HUNK: variants seen among roughly 807,000 people sequenced by gnomAD.
HUNK encodes hormonally up-regulated Neu-associated kinase.
HUNK carries 21 observed loss-of-function variants against 61.0 expected under a neutral mutation model. That is an observed-to-expected ratio of 0.34 (90% CI 0.24 to 0.50). The LOEUF (loss-of-function observed/expected upper bound fraction) is 0.50, where lower values mean the gene tolerates loss of function less well. HUNK is among the 20% of genes least tolerant of loss of function. The pLI is 0.98. For synonymous variants in HUNK, 371 were observed against 386.1 expected, an observed-to-expected ratio of 0.96 and a Z score of 0.46; for missense variants, 772 against 945.7, an observed-to-expected ratio of 0.82 and a Z score of 2.41.
intron 10 of HUNK, 97 bp downstream of exon 10, chr21:31,996,045 G>C (rs748626318): frequency 7.8e-6 from 7 of 892,668 alleles, no homozygotes; most frequent in Non-Finnish European, 1.2e-5. Context: ...CCCTAGAGCA[G>C]AGATGATTCC....
intron 1 of HUNK, among the ~76,000 whole-genome samples, chr21:31,886,572 C>A (rs1294579337): frequency 6.6e-6 from 1 of 152,130 alleles, no homozygotes. Context: ...TGTTTGTCTC[C>A]CCACTAGAGT....
At chr21:31,998,384 T>TC in intron 10 of HUNK, 142 bp from the exon 11 acceptor site, 1 of 756,454 alleles carries the variant, frequency 1.3e-6, no homozygotes. Context: ...TTTTGCAAAG[T>TC]AGCCAAGGCT....
chr21:31,901,568 A>G (rs1048233693), intron 1 of HUNK, among the ~76,000 whole-genome samples: 1 of 152,110 alleles, frequency 6.6e-6, no homozygotes, highest in African/African-American at 2.4e-5. Flanking sequence ...TGAAGTCTCA[A>G]AGTTAAGGAC....
At chr21:31,950,341 A>C (rs113386472) in intron 4 of HUNK, among the ~76,000 whole-genome samples, 1 of 151,694 alleles carries the variant, frequency 6.6e-6, no homozygotes, top group African/African-American at 2.4e-5. Context: ...GAGAAAAAAA[A>C]CCAGATTCTT....
chr21:31,873,727 G>A lies in HUNK; in HGVS notation c.53G>A (p.Gly18Asp). The change falls in exon 1 of 11, where the codon GGC becomes GAC. Residue 18 changes from glycine (G) to aspartate (D), a missense_variant. Transcript: ENST00000270112. This position sits in a 1 kb window ranked among gnomAD's most constrained non-coding sequence, Gnocchi z 6.1. ...CTGGGGGAGCCGGCGGCGCCTGGGG[G>A]CGGCGGCGGCGCGGAGGACGCGGCC... The part of the protein sequence containing the change: ...GLLGEPAAPG[G>D]GGGAEDAARP... 8.2e-7 allele frequency: 1 copy of A among 1,224,394 alleles called. No homozygotes were observed. The allele number at this position is 1,224,394 out of a possible 1,614,324, so 75.8% of individuals were successfully genotyped here. A position where few individuals can be genotyped will look rare whatever the true frequency, so the allele number is the denominator to read the frequency against.
At chr21:31,920,093 A>G (rs1215304026) in intron 1 of HUNK, among the ~76,000 whole-genome samples, 2 of 152,184 alleles carry the variant, frequency 1.3e-5, no homozygotes, top group African/African-American at 2.4e-5. Flanking sequence ...TCTGGCTTCC[A>G]GTGGCAGCCA....
At chr21:31,926,170 G>A (rs868619673) in intron 2 of HUNK, among the ~76,000 whole-genome samples, 34 of 152,092 alleles carry the variant, frequency 2.2e-4, no homozygotes, top group African/African-American at 7.0e-4. Context: ...CGCCCTCCTC[G>A]GCCTCCCGAA....
intron 7 of HUNK, among the ~76,000 whole-genome samples, chr21:31,978,483 T>C (rs189466468): frequency 6.6e-6 from 1 of 152,272 alleles, no homozygotes; most frequent in Non-Finnish European, 1.5e-5. Context: ...TCTGCCCACT[T>C]TCCCTCATCC....
At chr21:31,981,174 G>T (rs902797251) in intron 7 of HUNK, among the ~76,000 whole-genome samples, 6 of 152,194 alleles carry the variant, frequency 3.9e-5, no homozygotes, top group African/African-American at 1.4e-4. Flanking sequence ...TAAGTGCATG[G>T]ATTCATTTTT....
intron 1 of HUNK, among the ~76,000 whole-genome samples, chr21:31,882,035 A>G (rs2052312049): frequency 6.6e-6 from 1 of 152,180 alleles, no homozygotes; most frequent in Non-Finnish European, 1.5e-5. Context: ...TGCCTACTTC[A>G]GAGACGGTGG....
chr21:31,957,646 T>C (rs768654404), intron 4 of HUNK, among the ~76,000 whole-genome samples: 2 of 152,192 alleles, frequency 1.3e-5, no homozygotes, highest in Non-Finnish European at 2.9e-5. Flanking sequence ...TCAGGAAATC[T>C]CATCAAAATG....
chr21:31,950,497 G>A (rs1317949610), intron 4 of HUNK, among the ~76,000 whole-genome samples: 1 of 152,160 alleles, frequency 6.6e-6, no homozygotes, highest in East Asian at 1.9e-4. Flanking sequence ...AGAGGGAACA[G>A]CATATGCAAA....
intron 4 of HUNK, among the ~76,000 whole-genome samples, chr21:31,950,164 G>A (rs2052839647): frequency 6.6e-6 from 1 of 152,170 alleles, no homozygotes; most frequent in Admixed American, 6.5e-5. Context: ...GCTATAAACT[G>A]AGTGTGGTAA....
At chr21:31,910,905 C>T (rs1710373671) in intron 1 of HUNK, among the ~76,000 whole-genome samples, 1 of 152,230 alleles carries the variant, frequency 6.6e-6, no homozygotes, top group Admixed American at 6.5e-5. Flanking sequence ...AATGCCTACA[C>T]ATCACTTCAT....
chr21:31,951,057 G>A (rs1293453767), intron 4 of HUNK, among the ~76,000 whole-genome samples: 3 of 152,094 alleles, frequency 2.0e-5, no homozygotes, highest in Admixed American at 1.3e-4. Flanking sequence ...ATGGAAATGG[G>A]AAATGGCGCG....
In HUNK at chr21:31,932,072, C is replaced by T. The variant is rs543817951; in HGVS notation, c.554+7312C>T. On this transcript the variant is annotated intron_variant, in intron 2 of 10. Coordinates refer to ENST00000270112, the MANE Select transcript of HUNK (RefSeq NM_014586.2). ...ATGCATGCACACACCCACACACGTA[C>T]ACTCATGCTCTCCCCCACGTGCATG... Among the ~76,000 whole-genome samples, 19 of 152,352 alleles carry T rather than the reference C, an allele frequency of 1.2e-4. No homozygotes were observed. In the East Asian group the frequency reaches 3.5e-3, roughly 28 times the overall value.
rs1013994009 is a variant in HUNK at position 31,999,266 on chromosome 21, C to T, written c.*82C>T. On this transcript the variant is annotated 3_prime_UTR_variant, in exon 11 of 11. Transcript: ENST00000270112. ...CACATCTGTCAGGGTGTGAGCACTCCAAGGCCTCGCGTGGAGCATCCTTAG... is the reference window on the plus strand; with the variant it reads ...CACATCTGTCAGGGTGTGAGCACTCTAAGGCCTCGCGTGGAGCATCCTTAG... The T allele has an allele frequency of 4.7e-6, 6 of 1,287,820 alleles. No individual in the cohort carries two copies. Among genetic ancestry groups the T allele is most frequent in the African/African-American group, 4.4e-5 (3 of 67,514 alleles). The allele number at this position is 1,287,820 out of a possible 1,614,324, so 79.8% of individuals were successfully genotyped here.
intron 4 of HUNK, among the ~76,000 whole-genome samples, chr21:31,949,739 T>A (rs987243459): frequency 5.9e-5 from 9 of 152,154 alleles, no homozygotes; most frequent in Non-Finnish European, 1.3e-4. Flanking sequence ...TTCTGCAGGC[T>A]GTACAAGAAG....
chr21:31,873,267 C>T lies in HUNK; in HGVS notation c.-408C>T. On this transcript the variant is annotated 5_prime_UTR_variant, in exon 1 of 11. Transcript: ENST00000270112. The surrounding 1 kb of genome is among the most constrained non-coding windows in gnomAD (Gnocchi z 6.1). ...GACGGCGGCGGCGAGGCGGAGGCTGCGGAGGCACCCGGGCTCCCGGACCCA... is the reference window on the plus strand; with the variant it reads ...GACGGCGGCGGCGAGGCGGAGGCTGTGGAGGCACCCGGGCTCCCGGACCCA... 6.6e-6 allele frequency: 1 copy of T among 151,948 alleles called. No homozygotes were observed. The allele number at this position is 151,948 out of a possible 1,614,324, so 9.4% of individuals were successfully genotyped here. A position where few individuals can be genotyped will look rare whatever the true frequency, so the allele number is the denominator to read the frequency against.
Sources: allele counts gnomAD v4.1 joint callset (sites outside exome capture counted in the v4.1 genomes callset), GRCh38; gene constraint gnomAD v4.1.1; non-coding constraint Gnocchi (gnomAD v3.1); transcripts MANE v1.5; gene names NCBI Gene and HGNC (gene_info 2026-07-23, HGNC 2026-07-21).